The following MICAL3 variants were observed in gnomAD, a reference collection of about 807,000 sequenced individuals.
The protein encoded by MICAL3 is [F-actin]-monooxygenase MICAL3.
In MICAL3, 62 loss-of-function variants were observed where a neutral mutation model predicts 207.4. That is an observed-to-expected ratio of 0.30 (90% confidence interval 0.24 to 0.37). The LOEUF (loss-of-function observed/expected upper bound fraction) is 0.37. Among genes scored for constraint, MICAL3 ranks in the 10% least tolerant of loss-of-function variants. The probability of loss-of-function intolerance (pLI) is 1.00; values close to 1 mark genes in which losing one functional copy is unlikely to be tolerated. For synonymous variants in MICAL3, 1,077 were observed against 1,069.3 expected (o/e 1.01, Z -0.14); for missense variants, 2,368 against 2,635.6 (o/e 0.90, Z 2.22).
At chr22:17,967,356 GC>G (rs1935186014) in intron 1 of MICAL3, among the ~76,000 whole-genome samples, 1 of 144,138 alleles carries the variant, frequency 6.9e-6, no homozygotes, top group Non-Finnish European at 1.6e-5. Flanking sequence ...TACATACCCT[GC>G]AAAAAAAAGT....
chr22:17,834,398 G>T (rs1923136361), intron 20 of MICAL3: 1 of 1,282,022 alleles, frequency 7.8e-7, no homozygotes, highest in Non-Finnish European at 1.0e-6. Context: ...ACACTGTAGG[G>T]AACACAAAGG....
rs561651207 is a variant in MICAL3 at position 17,788,777 on chromosome 22, G to A, written c.*1955C>T. ...CTTCTGGACAGACAAGGATGACACA[G>A]GTTCTTTGCTCCTTTGCAGCTGGGA... On this transcript the variant is annotated 3_prime_UTR_variant, in exon 32 of 32. Coordinates refer to ENST00000441493, the MANE Select transcript of MICAL3 (RefSeq NM_015241.3). 113 of 152,426 alleles carry A rather than the reference G, an allele frequency of 7.4e-4. No homozygotes were observed. Among genetic ancestry groups the A allele is most frequent in the Non-Finnish European group, 1.3e-3 (87 of 68,166 alleles). 9.4% of individuals were successfully genotyped at this position (152,426 alleles called of 1,614,324 possible). A position where few individuals can be genotyped will look rare whatever the true frequency, so the allele number is the denominator to read the frequency against.
At chr22:18,010,641 AG>A (rs1431529238) in intron 1 of MICAL3, among the ~76,000 whole-genome samples, 1 of 152,106 alleles carries the variant, frequency 6.6e-6, no homozygotes, top group African/African-American at 2.4e-5. Flanking sequence ...TTCTTTTCTT[AG>A]CTCCCACTGG....
intron 1 of MICAL3, among the ~76,000 whole-genome samples, chr22:17,963,440 G>A (rs1443054078): frequency 2.6e-5 from 4 of 152,000 alleles, no homozygotes; most frequent in Non-Finnish European, 1.5e-5. Context: ...TCACATAAAT[G>A]CGGGCTAAGG....
intron 19 of MICAL3, among the ~76,000 whole-genome samples, chr22:17,855,873 G>A (rs916604332): frequency 1.3e-5 from 2 of 152,184 alleles, no homozygotes; most frequent in Admixed American, 1.3e-4. Context: ...CTTGCCTCTC[G>A]CCCACGCTGC....
At chr22:17,836,093 T>C (rs1923331951) in intron 20 of MICAL3, among the ~76,000 whole-genome samples, 1 of 152,120 alleles carries the variant, frequency 6.6e-6, no homozygotes, top group Non-Finnish European at 1.5e-5. Flanking sequence ...GCTCTGAATT[T>C]CCCCCCAGCT....
chr22:17,961,886 G>A (rs1413109708), intron 1 of MICAL3, among the ~76,000 whole-genome samples: 3 of 152,188 alleles, frequency 2.0e-5, no homozygotes, highest in Non-Finnish European at 4.4e-5. Flanking sequence ...CTTCCAATGG[G>A]CAAGTGGCGG....
At chr22:17,923,866 A>C (rs1240930001) in intron 1 of MICAL3, among the ~76,000 whole-genome samples, 1 of 152,246 alleles carries the variant, frequency 6.6e-6, no homozygotes, top group Non-Finnish European at 1.5e-5. Flanking sequence ...TAATAAAGAC[A>C]TATCTGAGAC....
At chr22:17,866,179 C>A (rs780696035) in intron 17 of MICAL3, among the ~76,000 whole-genome samples, 167 bp from the exon 18 acceptor site, 2 of 152,174 alleles carry the variant, frequency 1.3e-5, no homozygotes, top group Non-Finnish European at 2.9e-5. Context: ...CCAGTTCCTC[C>A]GGGTAAACTT....
chr22:18,005,592 C>A (rs1318823982), intron 1 of MICAL3: 1 of 152,206 alleles, frequency 6.6e-6, no homozygotes, highest in East Asian at 1.9e-4. Flanking sequence ...AAGAAGACTT[C>A]TATGAAGGGT....
chr22:17,894,821 C>G (rs545394798), intron 10 of MICAL3, among the ~76,000 whole-genome samples: 30 of 150,270 alleles, frequency 2.0e-4, no homozygotes, highest in African/African-American at 6.8e-4. Flanking sequence ...AAAAATTACA[C>G]TAGAACAAAT....
chr22:17,897,270 A>G (rs564145998), intron 7 of MICAL3, among the ~76,000 whole-genome samples: 5 of 151,908 alleles, frequency 3.3e-5, no homozygotes, highest in Non-Finnish European at 7.4e-5. Context: ...TAAAAATACA[A>G]AAATCAGCCA....
Position 17,906,837 on chromosome 22 carries a change from A to G in MICAL3, c.-25T>C, listed in dbSNP as rs760607818. The G allele has an allele frequency of 6.4e-7, 1 of 1,553,530 alleles. No homozygotes were observed. The highest frequency in any genetic ancestry group is 8.7e-7 in the Non-Finnish European group (1 of 1,149,248). ...TGCTGCCTCACTCTCAGCACTCCCC[A>G]GAGGGGGAGGTGGGATGGCTGTGGG... On this transcript the variant is annotated 5_prime_UTR_variant, in exon 2 of 32. Transcript: ENST00000441493.
At chr22:17,967,198 G>A (rs79067107) in intron 1 of MICAL3, among the ~76,000 whole-genome samples, 2,771 of 152,106 alleles carry the variant, frequency 0.018, 82 homozygotes, top group African/African-American at 0.063. Flanking sequence ...ATAACTACTC[G>A]TTTTCACCAT....
rs899909666 is a variant in MICAL3 at position 17,888,893 on chromosome 22, T to G, written c.1891+141A>C. 6.9e-6 allele frequency: 4 copies of G among 575,930 alleles called. No individual in the cohort carries two copies. The African/African-American group carries it at 7.5e-5, about 11-fold the overall frequency. 35.7% of individuals were successfully genotyped at this position (575,930 alleles called of 1,614,324 possible). On this transcript the variant is annotated intron_variant, in intron 13 of 31. Coordinates refer to ENST00000441493, the MANE Select transcript of MICAL3 (RefSeq NM_015241.3). The stretch of plus-strand genomic sequence containing the variant: ...AAACAATGAAGCAAAGCTCCAGAGA[T>G]TTCCCTGACAGCTAACTGGTAAAAA...
chr22:17,820,812 TTA>T (rs1403635418), intron 25 of MICAL3, among the ~76,000 whole-genome samples: 1 of 148,106 alleles, frequency 6.8e-6, no homozygotes, highest in African/African-American at 2.4e-5. Context: ...ATCATAAAAA[TTA>T]TATTATTTTT....
At chr22:17,914,874 A>C (rs1602210633) in intron 1 of MICAL3, among the ~76,000 whole-genome samples, 1 of 152,364 alleles carries the variant, frequency 6.6e-6, no homozygotes, top group Non-Finnish European at 1.5e-5. Context: ...GCCTATGAGG[A>C]GTCAATGACA....
At chr22:17,813,655 C>T (rs2062072513) in intron 27 of MICAL3, 1 of 152,228 alleles carries the variant, frequency 6.6e-6, no homozygotes, top group Admixed American at 6.5e-5. Flanking sequence ...AACATCTTCA[C>T]CTATGGCTGA....
intron 11 of MICAL3, 80 bp from the exon 12 acceptor site, chr22:17,891,712 G>T (rs888357147): frequency 1.4e-6 from 2 of 1,401,632 alleles, no homozygotes; most frequent in Non-Finnish European, 9.9e-7. Context: ...TAGGACACAT[G>T]TCCCCTTTGA....
Sources: allele counts gnomAD v4.1 joint callset (sites outside exome capture counted in the v4.1 genomes callset), GRCh38; gene constraint gnomAD v4.1.1; transcripts MANE v1.5; gene names NCBI Gene and HGNC (gene_info 2026-07-23, HGNC 2026-07-21).